Variants in LTBP2 observed in about 807,000 individuals in gnomAD.
LTBP2 encodes the protein latent transforming growth factor beta binding protein 2.
LTBP2 carries 103 observed loss-of-function variants against 210.6 expected under a neutral mutation model. That is an observed-to-expected ratio of 0.49 (90% confidence interval 0.42 to 0.58). LTBP2 has a LOEUF of 0.58. Ranked by LOEUF, LTBP2 falls within the 20% of genes least tolerant of loss-of-function variation. The pLI is 0.00. For missense variants in LTBP2, 2,313 were observed against 2,494.5 expected (o/e 0.93, Z 1.55); for synonymous variants, 1,007 against 1,015.0 (o/e 0.99, Z 0.15).
At chr14:74,603,473 C>T (rs2088477900) in intron 2 of LTBP2, among the ~76,000 whole-genome samples, 162 bp downstream of exon 2, 1 of 152,224 alleles carries the variant, frequency 6.6e-6, no homozygotes, top group African/African-American at 2.4e-5. Context: ...TGGATGTTGC[C>T]TCCACTTTAA....
intron 1 of LTBP2, among the ~76,000 whole-genome samples, chr14:74,604,180 A>AAAAAAAAAAAAAAAAAAAAAAAAAAC (rs2088491469): frequency 6.6e-6 from 1 of 151,342 alleles, no homozygotes; most frequent in Admixed American, 6.6e-5. Context: ...AAAAAAAAAA[A>AAAAAAAAAAAAAAAAAAAAAAAAAAC]AAAACCACAC....
chr14:74,560,622 C>T (rs1020474927), intron 3 of LTBP2, among the ~76,000 whole-genome samples: 1 of 152,248 alleles, frequency 6.6e-6, no homozygotes, highest in Non-Finnish European at 1.5e-5. Flanking sequence ...CCTAGCCTGG[C>T]TGCTCTCCTC....
At chr14:74,564,135 ATT>A (rs2087844971) in intron 3 of LTBP2, among the ~76,000 whole-genome samples, 1 of 35,136 alleles carries the variant, frequency 2.8e-5, no homozygotes, top group East Asian at 8.8e-4. Context: ...TTATATATAT[ATT>A]TATATATATA....
At chr14:74,510,011 G>A in intron 20 of LTBP2, 80 bp downstream of exon 20, 1 of 1,612,096 alleles carries the variant, frequency 6.2e-7, no homozygotes, top group Non-Finnish European at 8.5e-7. Flanking sequence ...GGATTCAGGG[G>A]GCCAAGGGTG....
chr14:74,608,212 G>A (rs1439275333), intron 1 of LTBP2, among the ~76,000 whole-genome samples: 9 of 152,144 alleles, frequency 5.9e-5, no homozygotes, highest in East Asian at 3.9e-4. Flanking sequence ...GAGCCACCGC[G>A]CCCGGCCAAA....
intron 3 of LTBP2, among the ~76,000 whole-genome samples, chr14:74,572,340 A>AGAGTGT (rs139508440): frequency 1.4e-5 from 2 of 147,086 alleles, no homozygotes; most frequent in South Asian, 2.2e-4. Context: ...AGAGAGAGAG[A>AGAGTGT]GTGTGTGTGT....
At position 74,555,646 on chromosome 14, in the gene LTBP2, C is replaced by A. The variant is rs368682083; in HGVS notation, c.878G>T (p.Gly293Val). The change falls in exon 4 of 36, where the codon GGG (glycine) becomes GTG (valine). Residue 293 changes from glycine to valine, a missense_variant. Physicochemically the swap from Gly to Val is moderately radical, Grantham distance 109 (BLOSUM62 -3). Coordinates refer to ENST00000261978, the MANE Select transcript of LTBP2 (RefSeq NM_000428.3). ...GTGAAGTCGGACAGTGCGGGACAAC[C>A]CCACGTGCTGCTGGGAAGGGTGGGT... Reference protein sequence around the residue: ...SQTHPSQQHVGLSRTVRLHPT... With the variant: ...SQTHPSQQHVVLSRTVRLHPT... 1.2e-5 allele frequency: 19 copies of A among 1,583,766 alleles called. No homozygotes were observed. The highest frequency in any genetic ancestry group is 1.6e-5 in the Non-Finnish European group (19 of 1,161,016).
chr14:74,584,520 G>C lies in LTBP2; in HGVS notation c.830+1334C>G, dbSNP rs376771968. On this transcript the variant is annotated intron_variant, in intron 3 of 35. Transcript: ENST00000261978. ...CCAGGCTTACCACCTAGGACCCTCA[G>C]CCAGGACCGATCAGAACAAGGCACC... 8.4e-4 allele frequency among the ~76,000 whole-genome samples: 128 copies of C among 152,262 alleles called. 3 individuals carry two copies. In the South Asian group the frequency reaches 0.026, roughly 31 times the overall value.
In LTBP2 at chr14:74,502,766, A is replaced by T; in HGVS notation, c.5057T>A (p.Val1686Asp). Reference sequence around the variant, plus strand: ...TGTGTTGGGGAAGGCAGGCTCAGGGACGGTGTCCTCGGGGCCCAGGTAGTT... The same window carrying T: ...TGTGTTGGGGAAGGCAGGCTCAGGGTCGGTGTCCTCGGGGCCCAGGTAGTT... ...FYNYLGPEDT[V>D]PEPAFPNTAG... The change falls in exon 34 of 36, where the codon GTC (valine) becomes GAC (aspartate). Residue 1686 changes from valine to aspartate, a missense_variant. Physicochemically the swap from Val to Asp is radical, Grantham distance 152. Coordinates refer to ENST00000261978, the MANE Select transcript of LTBP2 (RefSeq NM_000428.3). 1 of 1,614,124 alleles carries T rather than the reference A, an allele frequency of 6.2e-7. No individual in the cohort carries two copies.
intron 3 of LTBP2, among the ~76,000 whole-genome samples, chr14:74,583,868 AG>A (rs2139785872): frequency 6.6e-6 from 1 of 152,346 alleles, no homozygotes; most frequent in South Asian, 2.1e-4. Context: ...GATCATCTGA[AG>A]GCAGGGTGAA....
chr14:74,580,836 G>A (rs112074734), intron 3 of LTBP2, among the ~76,000 whole-genome samples: 5,979 of 152,218 alleles, frequency 0.039, 400 homozygotes, highest in African/African-American at 0.14. Context: ...GTGCACACCT[G>A]TAGTCTCAGC....
chr14:74,553,815 AG>A (rs1341392916), intron 4 of LTBP2, among the ~76,000 whole-genome samples: 2 of 152,096 alleles, frequency 1.3e-5, no homozygotes, highest in Admixed American at 1.3e-4. Context: ...AGCCAGAGGC[AG>A]AAGGTTGAGG....
At position 74,612,160 on chromosome 14, in the gene LTBP2, C is replaced by A. The variant is rs1314624267; in HGVS notation, c.-216G>T. Reference sequence around the variant, plus strand: ...TCCGCGCTCCTACTCCAGCTGGGCTCGCACGGCTGCTGCACCTTCGCGCCT... The same window carrying A: ...TCCGCGCTCCTACTCCAGCTGGGCTAGCACGGCTGCTGCACCTTCGCGCCT... On this transcript the variant is annotated 5_prime_UTR_variant, in exon 1 of 36. Coordinates refer to ENST00000261978, the MANE Select transcript of LTBP2 (RefSeq NM_000428.3). The A allele has an allele frequency of 1.9e-6, 1 of 518,722 alleles. No individual in the cohort carries two copies. Among genetic ancestry groups the A allele is most frequent in the South Asian group, 3.0e-5 (1 of 33,494 alleles). The allele number at this position is 518,722 out of a possible 1,614,324, so 32.1% of individuals were successfully genotyped here.
At chr14:74,513,255 G>A (rs1171938769) in intron 18 of LTBP2, among the ~76,000 whole-genome samples, 1 of 152,200 alleles carries the variant, frequency 6.6e-6, no homozygotes, top group Non-Finnish European at 1.5e-5. Flanking sequence ...TCCACTTTCT[G>A]CACCATGGTA....
rs1457851189 is a variant in LTBP2 at position 74,611,471 on chromosome 14, C to T, written c.474G>A (p.Pro158=). The change falls in exon 1 of 36, where the codon CCG becomes CCA. Residue 158 remains proline, a synonymous_variant. Coordinates refer to ENST00000261978, the MANE Select transcript of LTBP2 (RefSeq NM_000428.3). Reference sequence around the variant, plus strand: ...CTCACCCCGTGAGCCGCCCTCGCGGCGGGGTTGGGGGCGCAGCCCCAGACC... The same window carrying T: ...CTCACCCCGTGAGCCGCCCTCGCGGTGGGGTTGGGGGCGCAGCCCCAGACC... ...PQRSGAAPPT[P]PRGRLTGRNV... The T allele has an allele frequency of 6.7e-7, 1 of 1,494,694 alleles. No individual in the cohort carries two copies. The highest frequency in any genetic ancestry group is 2.4e-5 in the Admixed American group (1 of 41,610). The allele number at this position is 1,494,694 out of a possible 1,614,324, so 92.6% of individuals were successfully genotyped here. A position where few individuals can be genotyped will look rare whatever the true frequency, so the allele number is the denominator to read the frequency against.
chr14:74,503,335 G>T lies in LTBP2; in HGVS notation c.4772C>A (p.Thr1591Asn), dbSNP rs745626701. ...CAGGGGTTCGCTGCACACATCATTG[G>T]TGACTTTTTTCCAGCAGATGTCCAT... Reference protein sequence around the residue: ...IHMDICWKKVTNDVCSEPLRG... With the variant: ...IHMDICWKKVNNDVCSEPLRG... Residue 1591 changes from threonine to asparagine, a missense_variant, in exon 33 of 36, where the codon ACC becomes AAC. Thr to Asn is a moderately conservative substitution (Grantham distance 65). Coordinates refer to ENST00000261978, the MANE Select transcript of LTBP2 (RefSeq NM_000428.3). The T allele has an allele frequency of 6.2e-7, 1 of 1,613,874 alleles. No homozygotes were observed. The highest frequency in any genetic ancestry group is 1.7e-5 in the Admixed American group (1 of 60,022).
At position 74,551,333 on chromosome 14, in the gene LTBP2, G is replaced by T. The variant is rs761183589; in HGVS notation, c.1417C>A (p.Leu473Met). The change falls in exon 7 of 36, where the codon CTG (leucine) becomes ATG (methionine). Residue 473 changes from leucine to methionine, a missense_variant. Leu to Met is a conservative substitution (Grantham distance 15, BLOSUM62 2). Coordinates refer to ENST00000261978, the MANE Select transcript of LTBP2 (RefSeq NM_000428.3). ...SNQLASVNPS[L>M]VKVHIHHPPE... ...GGGTGGTGAATGTGCACCTTCACCAGGGAGGGGTTCACGGAGGCTGGGCAC... is the reference window on the plus strand; with the variant it reads ...GGGTGGTGAATGTGCACCTTCACCATGGAGGGGTTCACGGAGGCTGGGCAC... 6.3e-7 allele frequency: 1 copy of T among 1,580,904 alleles called. No individual in the cohort carries two copies. Among genetic ancestry groups the T allele is most frequent in the East Asian group, 2.3e-5 (1 of 44,222 alleles).
chr14:74,506,626 C>T (rs892920559), intron 27 of LTBP2, 72 bp downstream of exon 27: 1 of 1,600,436 alleles, frequency 6.2e-7, no homozygotes, highest in Non-Finnish European at 8.5e-7. Flanking sequence ...GTGACCAGGA[C>T]CAGTTGAGGA....
At chr14:74,528,922 T>C in intron 11 of LTBP2, 36 bp downstream of exon 11, 7 of 1,606,600 alleles carry the variant, frequency 4.4e-6, no homozygotes, top group Non-Finnish European at 5.9e-6. Context: ...CTTGAGCCCC[T>C]GGGCAGTGAA....
Sources: allele counts gnomAD v4.1 joint callset (sites outside exome capture counted in the v4.1 genomes callset), GRCh38; gene constraint gnomAD v4.1.1; transcripts MANE v1.5; gene names NCBI Gene and HGNC (gene_info 2026-07-23, HGNC 2026-07-21).